ZCCHC4: variants seen among roughly 807,000 people sequenced by gnomAD.
ZCCHC4 encodes rRNA N(6)-adenosine-methyltransferase ZCCHC4.
Under a neutral mutation model 67.7 loss-of-function variants are expected in ZCCHC4, and 54 were observed. The observed-to-expected ratio is 0.80, with a 90% CI of 0.64 to 1.00. The LOEUF (loss-of-function observed/expected upper bound fraction) is 1.00. Ranked by LOEUF, ZCCHC4 falls within the 50% of genes least tolerant of loss-of-function variation. The probability of loss-of-function intolerance (pLI) is 0.00; values close to 1 mark genes in which losing one functional copy is unlikely to be tolerated. For missense variants in ZCCHC4, 609 were observed against 617.0 expected, an observed-to-expected ratio of 0.99 and a Z score of 0.14; for synonymous variants, 198 against 213.5, an observed-to-expected ratio of 0.93 and a Z score of 0.63.
chr4:25,355,349 C>T (rs891945331), intron 8 of ZCCHC4, among the ~76,000 whole-genome samples: 4 of 152,106 alleles, frequency 2.6e-5, no homozygotes, highest in African/African-American at 9.7e-5. Context: ...TGGTACTAAG[C>T]CTGATAAATT....
chr4:25,335,999 T>A (rs1307400690), intron 5 of ZCCHC4, among the ~76,000 whole-genome samples: 1 of 152,212 alleles, frequency 6.6e-6, no homozygotes, highest in Non-Finnish European at 1.5e-5. Flanking sequence ...TTCTTAAAGA[T>A]AAACTCGATT....
intron 8 of ZCCHC4, among the ~76,000 whole-genome samples, chr4:25,356,572 C>G (rs1720527746): frequency 6.6e-6 from 1 of 151,554 alleles, no homozygotes; most frequent in Non-Finnish European, 1.5e-5. Context: ...TTTTCCCTCT[C>G]TTCCATCTGC....
intron 5 of ZCCHC4, among the ~76,000 whole-genome samples, chr4:25,338,285 G>A (rs936414865): frequency 1.3e-5 from 2 of 152,152 alleles, no homozygotes; most frequent in African/African-American, 4.8e-5. Context: ...GTAGAGACGG[G>A]GTTTCACCTT....
chr4:25,345,029 G>A (rs145361767), intron 5 of ZCCHC4, among the ~76,000 whole-genome samples: 7 of 151,870 alleles, frequency 4.6e-5, no homozygotes, highest in Middle Eastern at 3.4e-3. Flanking sequence ...TCTCAAACTC[G>A]TTAGCTCAAG....
chr4:25,332,441 T>C (rs1456079505), intron 3 of ZCCHC4, among the ~76,000 whole-genome samples: 1 of 152,224 alleles, frequency 6.6e-6, no homozygotes, highest in East Asian at 1.9e-4. Flanking sequence ...TTTGTTTTCT[T>C]ACTGATATCA....
chr4:25,345,918 T>C lies in ZCCHC4; in HGVS notation c.759+298T>C, dbSNP rs77214444. ...AGCCTCCCCTCTCCCTGTTTCCCCT[T>C]TGCTGTCTGTGCTCAGGGCACAGGG... On this transcript the variant is annotated intron_variant, in intron 6 of 12. Coordinates refer to ENST00000302874, the MANE Select transcript of ZCCHC4 (RefSeq NM_024936.3). 6.8e-3 allele frequency among the ~76,000 whole-genome samples: 1,032 copies of C among 152,278 alleles called. 10 individuals carry two copies. Among genetic ancestry groups the C allele is most frequent in the African/African-American group, 0.023 (969 of 41,568 alleles).
chr4:25,366,074 T>C (rs1435626629), intron 12 of ZCCHC4: 1 of 974,824 alleles, frequency 1.0e-6, no homozygotes, highest in Admixed American at 6.2e-5. Context: ...TGATTTGTGT[T>C]AGAAATATCT....
intron 6 of ZCCHC4, among the ~76,000 whole-genome samples, chr4:25,347,802 C>A (rs921935328): frequency 2.6e-5 from 4 of 152,138 alleles, no homozygotes; most frequent in African/African-American, 9.7e-5. Context: ...ATGTCATCTG[C>A]CTTAATGGCA....
intron 10 of ZCCHC4, among the ~76,000 whole-genome samples, chr4:25,363,169 A>G (rs1336093573): frequency 6.6e-6 from 1 of 152,232 alleles, no homozygotes; most frequent in Non-Finnish European, 1.5e-5. Context: ...TGTTCCACCT[A>G]TTCATCCTTC....
In ZCCHC4 at chr4:25,351,002, T is replaced by A. The variant is rs568562923; in HGVS notation, c.911-587T>A. On this transcript the variant is annotated intron_variant, in intron 7 of 12. Coordinates refer to ENST00000302874, the MANE Select transcript of ZCCHC4 (RefSeq NM_024936.3). Reference sequence around the variant, plus strand: ...CACTATGATTAGGCTTGCCTCTGATTAAGGCTTTTCAGCCTATTGGAATTT... The same window carrying A: ...CACTATGATTAGGCTTGCCTCTGATAAAGGCTTTTCAGCCTATTGGAATTT... Among the ~76,000 whole-genome samples, 496 of 152,338 alleles carry A rather than the reference T, an allele frequency of 3.3e-3. 1 individual carries two copies. The highest frequency in any genetic ancestry group is 0.012 in the African/African-American group (479 of 41,586).
intron 5 of ZCCHC4, among the ~76,000 whole-genome samples, chr4:25,341,665 A>G (rs560669215): frequency 7.2e-4 from 110 of 152,338 alleles, no homozygotes; most frequent in Non-Finnish European, 1.4e-3. Context: ...AAATGGACTG[A>G]CACAGAAGGT....
chr4:25,354,248 A>C (rs1385637905), intron 8 of ZCCHC4, among the ~76,000 whole-genome samples: 2 of 152,190 alleles, frequency 1.3e-5, no homozygotes, highest in Non-Finnish European at 2.9e-5. Context: ...GTTACTAGGA[A>C]AGAACTTTTG....
rs1720624633 is a variant in ZCCHC4 at position 25,359,077 on chromosome 4, T to G, written c.1012-2782T>G. 6.6e-6 allele frequency among the ~76,000 whole-genome samples: 1 copy of G among 152,208 alleles called. No homozygotes were observed. The highest frequency in any genetic ancestry group is 2.1e-4 in the South Asian group (1 of 4,832). ...CCCTGGTGATTCTGGGTCAGCCATG[T>G]GGCCACAGCATGGGTTGTGGTGCCC... On this transcript the variant is annotated intron_variant, in intron 8 of 12. Coordinates refer to ENST00000302874, the MANE Select transcript of ZCCHC4 (RefSeq NM_024936.3). The surrounding 1 kb of genome is among the most constrained non-coding windows in gnomAD (Gnocchi z 4.9).
rs914446339 is a variant in ZCCHC4 at position 25,349,481 on chromosome 4, A to G, written c.760-11A>G. 6.2e-7 allele frequency: 1 copy of G among 1,611,526 alleles called. No homozygotes were observed. Among genetic ancestry groups the G allele is most frequent in the Non-Finnish European group, 8.5e-7 (1 of 1,178,950 alleles). On this transcript the variant is annotated splice_polypyrimidine_tract_variant and intron_variant, in intron 6 of 12. Transcript: ENST00000302874. ...AGTCCTAATTTAGAAATGAATTTTT[A>G]TTTGTTCCAGACTGCCCTTGAAGTA...
At chr4:25,318,047 T>C (rs1217880445) in intron 3 of ZCCHC4, among the ~76,000 whole-genome samples, 1 of 152,218 alleles carries the variant, frequency 6.6e-6, no homozygotes, top group African/African-American at 2.4e-5. Flanking sequence ...AAATAGAGTA[T>C]TGAAGACGGA....
Position 25,323,928 on chromosome 4 carries a change from C to T in ZCCHC4, c.329+8528C>T, listed in dbSNP as rs114929276. 3.7e-3 allele frequency among the ~76,000 whole-genome samples: 566 copies of T among 151,640 alleles called. 5 individuals carry two copies. Among genetic ancestry groups the T allele is most frequent in the African/African-American group, 0.013 (528 of 41,272 alleles). On this transcript the variant is annotated intron_variant, in intron 3 of 12. Coordinates refer to ENST00000302874, the MANE Select transcript of ZCCHC4 (RefSeq NM_024936.3). ...CACCCCTAGGGTCCCCAGACATCCA[C>T]TGATCTGCTTTCTGTCACTATAGAT...
At position 25,345,590 on chromosome 4, in the gene ZCCHC4, T is replaced by C; in HGVS notation, c.729T>C (p.Asn243=). Reference sequence around the variant, plus strand: ...TGGAAGATAGCTTTTGCCATTATAATATGTTTAACCATCATTTCTTTGATG... The same window carrying C: ...TGGAAGATAGCTTTTGCCATTATAACATGTTTAACCATCATTTCTTTGATG... ...FYMEDSFCHY[N]MFNHHFFDGK... The change falls in exon 6 of 13, where the codon AAT becomes AAC. Residue 243 remains asparagine (N), a synonymous_variant. Coordinates refer to ENST00000302874, the MANE Select transcript of ZCCHC4 (RefSeq NM_024936.3). The C allele has an allele frequency of 1.3e-6, 2 of 1,568,902 alleles. No individual in the cohort carries two copies. The highest frequency in any genetic ancestry group is 1.1e-5 in the South Asian group (1 of 88,824).
chr4:25,334,295 TC>T (rs1472137755), intron 5 of ZCCHC4, among the ~76,000 whole-genome samples: 1 of 152,250 alleles, frequency 6.6e-6, no homozygotes, highest in Admixed American at 6.5e-5. Context: ...TATATTATGT[TC>T]AAAGATAATT....
intron 3 of ZCCHC4, among the ~76,000 whole-genome samples, chr4:25,325,142 C>T: frequency 8.6e-6 from 1 of 116,832 alleles, no homozygotes. Context: ...ACTCGGGAGG[C>T]TGAGGCAGGA....
Sources: gnomAD v4.1 joint callset for allele counts (sites outside exome capture counted in the v4.1 genomes callset) on GRCh38, gnomAD v4.1.1 for gene constraint, Gnocchi (gnomAD v3.1) non-coding constraint, MANE v1.5 for transcripts, NCBI Gene and HGNC (gene_info 2026-07-23, HGNC 2026-07-21) for gene names.